ZNF362: variants seen among roughly 807,000 people sequenced by gnomAD.
The protein encoded by ZNF362 is zinc finger protein 362, also known as rotund homolog.
A neutral mutation model predicts 42.9 loss-of-function variants in ZNF362; 11 were observed. That is an observed-to-expected ratio of 0.26 (90% confidence interval 0.16 to 0.42). The LOEUF is 0.42. Among genes scored for constraint, ZNF362 ranks in the 20% least tolerant of loss-of-function variants. The pLI is 1.00. For missense variants in ZNF362, 362 were observed against 576.2 expected, an observed-to-expected ratio of 0.63 and a Z score of 3.81; for synonymous variants, 255 against 257.3, an observed-to-expected ratio of 0.99 and a Z score of 0.09.
chr1:33,158,428 GGGCCCCGCAGCCACCTTCAGGGCAGC>G, the ZNF362 span: 1 of 1,459,620 alleles, frequency 6.9e-7, no homozygotes. Context: ...CCAATGCCAG[GGGCCCCGCAGCCACCTTCAGGGCAGC>G]TGGCATAGGA....
the ZNF362 span, among the ~76,000 whole-genome samples, chr1:33,235,123 A>AACTCCT: frequency 6.6e-6 from 1 of 151,970 alleles, no homozygotes; most frequent in African/African-American, 2.4e-5. Context: ...GTACCTTAGG[A>AACTCCT]CACTTGGGAA....
chr1:33,228,851 G>A, the ZNF362 span, among the ~76,000 whole-genome samples: 2 of 152,044 alleles, frequency 1.3e-5, no homozygotes, highest in East Asian at 1.9e-4. Flanking sequence ...GGAAACCTCC[G>A]CCACTTCCCA....
At chr1:33,157,534 TTTAC>T in the ZNF362 span, among the ~76,000 whole-genome samples, 1 of 152,126 alleles carries the variant, frequency 6.6e-6, no homozygotes. Flanking sequence ...ATTTTTCTGA[TTTAC>T]TTTTGTCTAC....
At chr1:33,261,018 C>A (rs1414434451) in intron 1 of ZNF362, among the ~76,000 whole-genome samples, 1 of 152,066 alleles carries the variant, frequency 6.6e-6, no homozygotes, top group Non-Finnish European at 1.5e-5. Flanking sequence ...TTGTGCCATG[C>A]CATGTTCTAA....
chr1:33,193,980 C>T, the ZNF362 span, among the ~76,000 whole-genome samples: 1 of 152,030 alleles, frequency 6.6e-6, no homozygotes, highest in Non-Finnish European at 1.5e-5. Context: ...GATTATAGAA[C>T]AACCTGAGAA....
the ZNF362 span, among the ~76,000 whole-genome samples, chr1:33,138,610 TCAA>T: frequency 1.4e-3 from 175 of 127,118 alleles, no homozygotes; most frequent in Non-Finnish European, 2.0e-3. Flanking sequence ...AGATCCTGTC[TCAA>T]CAACAACAAC....
the ZNF362 span, among the ~76,000 whole-genome samples, chr1:33,241,236 T>G: frequency 6.6e-6 from 1 of 152,198 alleles, no homozygotes; most frequent in Non-Finnish European, 1.5e-5. Context: ...GGCTCACGCC[T>G]GTAATCCTAG....
the ZNF362 span, chr1:33,181,499 CGGAGGCAGCACCGAG>C: frequency 6.7e-7 from 1 of 1,499,566 alleles, no homozygotes; most frequent in Non-Finnish European, 8.8e-7. The surrounding 1 kb of genome is among the most constrained non-coding windows in gnomAD (Gnocchi z 6.5). Flanking sequence ...GCGGCGCTGT[CGGAGGCAGCACCGAG>C]GGCTGGGCGC....
At chr1:33,181,750 G>A in the ZNF362 span, 1 of 371,042 alleles carries the variant, frequency 2.7e-6, no homozygotes. This position sits in a 1 kb window ranked among gnomAD's most constrained non-coding sequence, Gnocchi z 6.5. Context: ...AGGGGGCGGG[G>A]CAGTCCTAAG....
chr1:33,230,438 G>A, the ZNF362 span, among the ~76,000 whole-genome samples: 1 of 152,156 alleles, frequency 6.6e-6, no homozygotes, highest in Non-Finnish European at 1.5e-5. Flanking sequence ...ACCAAGGAAA[G>A]GAAAAGCAAA....
chr1:33,243,280 C>T, the ZNF362 span, among the ~76,000 whole-genome samples: 1 of 151,970 alleles, frequency 6.6e-6, no homozygotes, highest in Admixed American at 6.6e-5. Flanking sequence ...CCTCAGCCTC[C>T]AGAGTAGCCG....
chr1:33,276,769 G>A (rs1318520662), intron 4 of ZNF362, among the ~76,000 whole-genome samples, 175 bp downstream of exon 4: 1 of 152,206 alleles, frequency 6.6e-6, no homozygotes, highest in East Asian at 1.9e-4. Context: ...CCACAGCACC[G>A]GACTTCCAAC....
At chr1:33,193,004 C>CACACACACACATATATAT in the ZNF362 span, among the ~76,000 whole-genome samples, 285 of 137,274 alleles carry the variant, frequency 2.1e-3, no homozygotes, top group South Asian at 0.011. Context: ...CACACACACA[C>CACACACACACATATATAT]ATATATATAT....
rs1201103456 is a variant in ZNF362, at chr1:33,256,903, A to AGTGTGTGTGCGTGTGT, written c.-89+257_-89+272dup. Among the ~76,000 whole-genome samples the AGTGTGTGTGCGTGTGT allele has an allele frequency of 3.4e-5, 5 of 148,860 alleles. No homozygotes were observed. In the East Asian group the frequency reaches 1.0e-3, roughly 30 times the overall value. The stretch of plus-strand genomic sequence containing the variant: ...GCGGCGTGTCTGGGGCTGGTCTCCG[A>AGTGTGTGTGCGTGTGT]GTGTGTGTGCGTGTGTGTGTGTGCG... On this transcript the variant is annotated intron_variant, in intron 1 of 8. Coordinates refer to ENST00000539719, the MANE Select transcript of ZNF362 (RefSeq NM_152493.3).
chr1:33,285,988 GGGAGGC>G (rs1441511009), intron 6 of ZNF362, among the ~76,000 whole-genome samples: 1 of 152,124 alleles, frequency 6.6e-6, no homozygotes, highest in East Asian at 1.9e-4. Flanking sequence ...ATTTGAACCT[GGGAGGC>G]GGAGGTTGCG....
In ZNF362 at chr1:33,280,522, C is replaced by T. The variant is rs1380641227; in HGVS notation, c.683+65C>T. 1 of 1,478,080 alleles carries T rather than the reference C, an allele frequency of 6.8e-7. No homozygotes were observed. Among genetic ancestry groups the T allele is most frequent in the African/African-American group, 1.4e-5 (1 of 71,096 alleles). 91.6% of individuals were successfully genotyped at this position (1,478,080 alleles called of 1,614,324 possible). On this transcript the variant is annotated intron_variant, in intron 5 of 8. Coordinates refer to ENST00000539719, the MANE Select transcript of ZNF362 (RefSeq NM_152493.3). The surrounding 1 kb of genome is among the most constrained non-coding windows in gnomAD (Gnocchi z 5.6). ...GCTGGGGCTTGAGCCAGGGCTGCTCCAGGAGCCCAGCAGCGGGGCTGAAAC... is the reference window on the plus strand; with the variant it reads ...GCTGGGGCTTGAGCCAGGGCTGCTCTAGGAGCCCAGCAGCGGGGCTGAAAC...
intron 1 of ZNF362, among the ~76,000 whole-genome samples, chr1:33,268,001 C>T (rs1045565877): frequency 3.3e-5 from 5 of 152,224 alleles, no homozygotes; most frequent in African/African-American, 7.2e-5. Context: ...TTTCACCATA[C>T]CCTCACCAGT....
At chr1:33,258,089 T>A (rs531304574) in intron 1 of ZNF362, among the ~76,000 whole-genome samples, 1 of 152,334 alleles carries the variant, frequency 6.6e-6, no homozygotes, top group South Asian at 2.1e-4. Flanking sequence ...TCTGGTTTGC[T>A]AGACCTCCTC....
chr1:33,264,299 AC>A (rs556411040), intron 1 of ZNF362, among the ~76,000 whole-genome samples: 24 of 151,424 alleles, frequency 1.6e-4, no homozygotes, highest in Admixed American at 4.6e-4. Flanking sequence ...AGCTACTGCC[AC>A]CCCCCACCCC....
Sources: allele counts gnomAD v4.1 joint callset (sites outside exome capture counted in the v4.1 genomes callset), GRCh38; gene constraint gnomAD v4.1.1; non-coding constraint Gnocchi (gnomAD v3.1); transcripts MANE v1.5; gene names NCBI Gene and HGNC (gene_info 2026-07-23, HGNC 2026-07-21).